STK36: variants seen among roughly 807,000 people sequenced by gnomAD.
STK36 encodes the protein serine/threonine-protein kinase 36.
STK36 carries 116 observed loss-of-function variants against 142.2 expected under a neutral mutation model. The observed-to-expected ratio is 0.82, with a 90% CI of 0.70 to 0.95. The LOEUF (loss-of-function observed/expected upper bound fraction) is 0.95. Ranked by LOEUF, STK36 falls within the 40% of genes least tolerant of loss-of-function variation. The pLI, the probability that STK36 is intolerant of heterozygous loss-of-function variation, is 0.00. For synonymous variants in STK36, 619 were observed against 641.7 expected (o/e 0.96, Z 0.53); for missense variants, 1,422 against 1,617.2 (o/e 0.88, Z 2.07).
intron 11 of STK36, among the ~76,000 whole-genome samples, chr2:218,687,249 T>C (rs186948647): frequency 1.1e-4 from 17 of 152,354 alleles, no homozygotes; most frequent in African/African-American, 4.1e-4. Flanking sequence ...AAGCAAAAAA[T>C]GTTGAATTTT....
At chr2:218,682,820 T>C (rs1203989069) in intron 10 of STK36, among the ~76,000 whole-genome samples, 1 of 152,164 alleles carries the variant, frequency 6.6e-6, no homozygotes, top group East Asian at 1.9e-4. Flanking sequence ...CTTGAACTCC[T>C]GGACTCAAGT....
chr2:218,691,349 T>A (rs1262280550), intron 14 of STK36, among the ~76,000 whole-genome samples: 1 of 152,180 alleles, frequency 6.6e-6, no homozygotes, highest in Admixed American at 6.5e-5. Flanking sequence ...TGGTCTGAGA[T>A]CCTGTTTTAA....
rs749680528 is a variant in STK36, at chr2:218,702,033, TCCAA to T, written c.*26_*29del. 6.2e-7 allele frequency: 1 copy of T among 1,611,574 alleles called. No individual in the cohort carries two copies. ...GATTCCAGATTCCTGCGGTCCAGCC[TCCAA>T]CTTTGGTTGCCAGCTCTTTCTTATT... On this transcript the variant is annotated 3_prime_UTR_variant, in exon 27 of 27. Coordinates refer to ENST00000295709, the MANE Select transcript of STK36 (RefSeq NM_015690.5).
chr2:218,673,158 T>C (rs1029164586), intron 2 of STK36: 3 of 463,930 alleles, frequency 6.5e-6, no homozygotes, highest in Admixed American at 7.3e-5. Flanking sequence ...TCCTTATCTC[T>C]AGAATGGGGA....
chr2:218,674,029 AG>A, intron 4 of STK36, 73 bp downstream of exon 4: 1 of 1,428,236 alleles, frequency 7.0e-7, no homozygotes, highest in Non-Finnish European at 9.7e-7. Context: ...GAGCAAGCTA[AG>A]GACACTGAGA....
chr2:218,679,983 A>T lies in STK36; in HGVS notation c.1039A>T (p.Thr347Ser). 6.2e-7 allele frequency: 1 copy of T among 1,614,060 alleles called. No homozygotes were observed. The highest frequency in any genetic ancestry group is 2.2e-5 in the East Asian group (1 of 44,872). Residue 347 changes from threonine to serine, a missense_variant, in exon 9 of 27, where the codon ACT becomes TCT. Coordinates refer to ENST00000295709, the MANE Select transcript of STK36 (RefSeq NM_015690.5). ...AGCCCCTCTGCCCAGACTCGGGGCC[A>T]CTCCTCAGGAATCAAGCCTCCTGGC... is the stretch of plus-strand genomic sequence containing the variant. The part of the protein sequence containing the change: ...GTAPLPRLGA[T>S]PQESSLLAGI...
chr2:218,695,009 C>G (rs1048175584), intron 21 of STK36, among the ~76,000 whole-genome samples: 1 of 152,132 alleles, frequency 6.6e-6, no homozygotes. Context: ...ACTGCAGCTT[C>G]CACTCTGCTT....
In STK36 at chr2:218,692,182, C is replaced by A. The variant is rs543932999; in HGVS notation, c.1804C>A (p.Arg602=). The change falls in exon 15 of 27, where the codon CGG becomes AGG. Residue 602 remains arginine, a synonymous_variant. Coordinates refer to ENST00000295709, the MANE Select transcript of STK36 (RefSeq NM_015690.5). ...VLCEAMDGNS[R]AISKAFYSSL... ...GTGCGAAGCCATGGATGGGAACAGC[C>A]GGGCCATCTCCAAAGCCTTTTACTC... 9 of 1,614,174 alleles carry A rather than the reference C, an allele frequency of 5.6e-6. No homozygotes were observed. Among genetic ancestry groups the A allele is most frequent in the Admixed American group, 1.7e-5 (1 of 60,020 alleles).
chr2:218,699,635 G>T (rs570223964), intron 26 of STK36, among the ~76,000 whole-genome samples: 3 of 152,298 alleles, frequency 2.0e-5, no homozygotes, highest in Admixed American at 2.0e-4. Context: ...AAGACTAAGA[G>T]ATGCTGAGAT....
Position 218,679,706 on chromosome 2 carries a change from A to G in STK36, c.925A>G (p.Met309Val). 6.2e-7 allele frequency: 1 copy of G among 1,614,230 alleles called. No homozygotes were observed. Among genetic ancestry groups the G allele is most frequent in the Non-Finnish European group, 8.5e-7 (1 of 1,180,048 alleles). Residue 309 changes from methionine (M) to valine (V), a missense_variant, in exon 8 of 27, where the codon ATG (methionine) becomes GTG (valine). Met to Val is a conservative substitution (Grantham distance 21). Around this residue, in one of 2 missense-constraint regions of STK36, gnomAD observed 460 missense variants for 449.6 expected, o/e 1.02. Transcript: ENST00000295709. Reference sequence around the variant, plus strand: ...CATCTTGACTCAGGCCTATAAACGCATGGCTGAGGAGGCCATGCAGAAGGT... The same window carrying G: ...CATCTTGACTCAGGCCTATAAACGCGTGGCTGAGGAGGCCATGCAGAAGGT... Reference protein sequence around the residue: ...SRILTQAYKRMAEEAMQKKHQ... With the variant: ...SRILTQAYKRVAEEAMQKKHQ...
At chr2:218,688,992 T>C (rs1223059672) in intron 12 of STK36, 116 bp downstream of exon 12, 3 of 1,102,710 alleles carry the variant, frequency 2.7e-6, no homozygotes, top group Non-Finnish European at 3.7e-6. Flanking sequence ...TTTCCTCCTC[T>C]TTCTAGTTAG....
intron 14 of STK36, among the ~76,000 whole-genome samples, chr2:218,691,813 C>G (rs1424272917): frequency 1.3e-5 from 2 of 152,194 alleles, no homozygotes; most frequent in Non-Finnish European, 2.9e-5. Flanking sequence ...CTGCCTCGGC[C>G]TCCCAATCCC....
At chr2:218,685,004 C>G in intron 10 of STK36, 81 bp from the exon 11 acceptor site, 1 of 1,560,000 alleles carries the variant, frequency 6.4e-7, no homozygotes, top group Non-Finnish European at 8.7e-7. Flanking sequence ...CTTCATGATT[C>G]CCCATGGTTT....
intron 6 of STK36, among the ~76,000 whole-genome samples, chr2:218,678,139 CAG>C (rs1940341474): frequency 6.6e-6 from 1 of 152,032 alleles, no homozygotes; most frequent in Non-Finnish European, 1.5e-5. Context: ...TTTTTAGAGA[CAG>C]GGTCTCACTG....
intron 10 of STK36, 103 bp from the exon 11 acceptor site, chr2:218,684,981 CT>C: frequency 2.1e-6 from 3 of 1,453,510 alleles, no homozygotes; most frequent in Non-Finnish European, 2.8e-6. Flanking sequence ...GGGTCACTGG[CT>C]CCTTGCAGTT....
intron 21 of STK36, among the ~76,000 whole-genome samples, chr2:218,695,107 C>G (rs569186930): frequency 6.6e-6 from 1 of 152,184 alleles, no homozygotes; most frequent in Admixed American, 6.5e-5. Flanking sequence ...AGCCTTCTTT[C>G]TGCTTTCTCC....
intron 10 of STK36, among the ~76,000 whole-genome samples, chr2:218,682,939 A>G (rs1305819708): frequency 6.6e-6 from 1 of 152,090 alleles, no homozygotes; most frequent in Admixed American, 6.6e-5. Flanking sequence ...TTAATCTGGA[A>G]CAGTTCTTGT....
chr2:218,690,242 G>GA (rs1259336104), intron 13 of STK36, among the ~76,000 whole-genome samples: 1 of 151,370 alleles, frequency 6.6e-6, no homozygotes, highest in African/African-American at 2.5e-5. Context: ...AAGAAAGAAA[G>GA]AAAGAAAAAA....
intron 6 of STK36, 52 bp from the exon 7 acceptor site, chr2:218,679,116 A>G: frequency 6.5e-7 from 1 of 1,548,480 alleles, no homozygotes; most frequent in Non-Finnish European, 8.9e-7. Flanking sequence ...TGATAGAGAG[A>G]GACTTAAGGG....
Sources: allele counts gnomAD v4.1 joint callset (sites outside exome capture counted in the v4.1 genomes callset), GRCh38; gene constraint gnomAD v4.1.1; regional missense constraint gnomAD v4.1.1; transcripts MANE v1.5; gene names NCBI Gene and HGNC (gene_info 2026-07-23, HGNC 2026-07-21).